GLG1: variants seen among roughly 807,000 people sequenced by gnomAD.
GLG1 encodes the protein golgi glycoprotein 1.
A neutral mutation model predicts 160.5 loss-of-function variants in GLG1; 38 were observed. That is an observed-to-expected ratio of 0.24 (90% CI 0.18 to 0.31). The LOEUF is 0.31. Ranked by LOEUF, GLG1 falls within the 10% of genes least tolerant of loss-of-function variation. The pLI is 1.00. For synonymous variants in GLG1, 644 were observed against 543.4 expected (o/e 1.19, Z -2.57); for missense variants, 1,373 against 1,505.2 (o/e 0.91, Z 1.45).
chr16:74,520,039 T>C (rs1228640581), intron 2 of GLG1, among the ~76,000 whole-genome samples: 1 of 152,226 alleles, frequency 6.6e-6, no homozygotes, highest in East Asian at 1.9e-4. Context: ...AAGTCACTTA[T>C]TTCATAGGCC....
intron 1 of GLG1, among the ~76,000 whole-genome samples, chr16:74,563,588 G>A (rs1425462858): frequency 6.6e-6 from 1 of 151,976 alleles, no homozygotes; most frequent in Non-Finnish European, 1.5e-5. Context: ...TTAGCGGGGC[G>A]TGGTGGCGTG....
intron 19 of GLG1, among the ~76,000 whole-genome samples, chr16:74,464,157 T>C (rs868028315): frequency 6.6e-6 from 1 of 152,188 alleles, no homozygotes; most frequent in Non-Finnish European, 1.5e-5. Context: ...CACTGGTTCT[T>C]ACACAGGATT....
intron 13 of GLG1, among the ~76,000 whole-genome samples, chr16:74,473,210 C>T (rs1375880606): frequency 6.6e-6 from 1 of 151,376 alleles, no homozygotes; most frequent in Non-Finnish European, 1.5e-5. Context: ...TTCTAATCCC[C>T]CTTTTTTTTT....
At chr16:74,486,036 T>C (rs2015775464) in intron 8 of GLG1, 119 bp from the exon 9 acceptor site, 4 of 716,492 alleles carry the variant, frequency 5.6e-6, no homozygotes, top group Admixed American at 2.8e-5. Context: ...AATAAAGTTG[T>C]CTACAGTTGT....
chr16:74,533,327 C>T (rs2017598049), intron 1 of GLG1, among the ~76,000 whole-genome samples: 1 of 151,544 alleles, frequency 6.6e-6, no homozygotes, highest in Non-Finnish European at 1.5e-5. Flanking sequence ...TCTCAAAAAA[C>T]AAAAAACAAA....
At chr16:74,457,802 G>A in intron 24 of GLG1, 72 bp downstream of exon 24, 2 of 1,416,228 alleles carry the variant, frequency 1.4e-6, no homozygotes, top group Admixed American at 3.6e-5. Context: ...AGCTGCAACT[G>A]ATGTCTAAGA....
intron 1 of GLG1, among the ~76,000 whole-genome samples, chr16:74,578,741 C>G (rs1957868795): frequency 6.6e-6 from 1 of 152,158 alleles, no homozygotes; most frequent in East Asian, 1.9e-4. Context: ...ACAAAAAAAG[C>G]TATCTGATGT....
intron 1 of GLG1, among the ~76,000 whole-genome samples, chr16:74,588,611 G>A (rs1958102295): frequency 6.6e-6 from 1 of 151,910 alleles, no homozygotes; most frequent in South Asian, 2.1e-4. Context: ...TAGAGATGAG[G>A]TTTCGCCATG....
intron 1 of GLG1, among the ~76,000 whole-genome samples, chr16:74,600,606 T>A (rs1958419307): frequency 7.0e-6 from 1 of 141,950 alleles, no homozygotes; most frequent in African/African-American, 2.6e-5. Context: ...GTAGCGCATG[T>A]CTGCAGTCCC....
chr16:74,546,845 A>AAAAAAAAAAAG (rs2018062179), intron 1 of GLG1, among the ~76,000 whole-genome samples: 1 of 113,232 alleles, frequency 8.8e-6, no homozygotes, highest in Non-Finnish European at 2.1e-5. Context: ...CTCAAAAAAA[A>AAAAAAAAAAAG]AAAAAAAAAA....
chr16:74,495,130 G>A (rs2016139368), intron 5 of GLG1, among the ~76,000 whole-genome samples: 1 of 114,948 alleles, frequency 8.7e-6, no homozygotes, highest in African/African-American at 3.3e-5. Context: ...TTTTTTTTGA[G>A]ATAGAGTCAG....
intron 8 of GLG1, 49 bp downstream of exon 8, chr16:74,490,952 T>A (rs1404011354): frequency 1.5e-6 from 2 of 1,327,528 alleles, no homozygotes; most frequent in Admixed American, 3.4e-5. Context: ...AAGAGGCTCT[T>A]CAGCTGATAA....
chr16:74,480,161 T>G (rs763845427), intron 11 of GLG1, 80 bp downstream of exon 11: 53 of 1,196,046 alleles, frequency 4.4e-5, no homozygotes, highest in Admixed American at 1.3e-4. Flanking sequence ...CTAATATGAC[T>G]GAAATCAGAA....
Position 74,494,172 on chromosome 16 carries a change from C to CAA in GLG1, c.1050+586_1050+587dup, listed in dbSNP as rs56194630. Among the ~76,000 whole-genome samples, 463 of 147,630 alleles carry CAA rather than the reference C, an allele frequency of 3.1e-3. 6 individuals carry two copies. The highest frequency in any genetic ancestry group is 6.8e-3 in the East Asian group (34 of 4,980). On this transcript the variant is annotated intron_variant, in intron 6 of 25. Coordinates refer to ENST00000422840, the MANE Select transcript of GLG1 (RefSeq NM_001145667.2). The stretch of plus-strand genomic sequence containing the variant: ...CTGGGTGACAGAGAAAGACTCCACT[C>CAA]AAAAAAAAACAAAAACAAAACAAAA...
rs774350675 is a variant in GLG1, at chr16:74,491,024, G to C, written c.1426C>G (p.Leu476Val). 1 of 1,613,680 alleles carries C rather than the reference G, an allele frequency of 6.2e-7. No individual in the cohort carries two copies. Among genetic ancestry groups the C allele is most frequent in the Non-Finnish European group, 8.5e-7 (1 of 1,179,696 alleles). ...ACCGCCTGCTGGCAGTTCATTCCAAGGTTCCCCTTCTCCCCTCGAACTACT... is the reference window on the plus strand; with the variant it reads ...ACCGCCTGCTGGCAGTTCATTCCAACGTTCCCCTTCTCCCCTCGAACTACT... The part of the protein sequence containing the change: ...MKVVRGEKGN[L>V]GMNCQQALQT... Residue 476 changes from leucine to valine, a missense_variant, in exon 8 of 26, where the codon CTT becomes GTT. Around this residue, in one of 4 missense-constraint regions of GLG1, gnomAD observed 386 missense variants for 388.5 expected, o/e 0.99. Transcript: ENST00000422840.
intron 1 of GLG1, among the ~76,000 whole-genome samples, chr16:74,592,387 A>G (rs1597379756): frequency 6.6e-6 from 1 of 151,112 alleles, no homozygotes; most frequent in African/African-American, 2.4e-5. Flanking sequence ...CAGGTGATCC[A>G]CCCGCCTTGG....
At chr16:74,472,292 A>C in intron 14 of GLG1, 57 bp downstream of exon 14, 2 of 1,112,832 alleles carry the variant, frequency 1.8e-6, no homozygotes, top group Non-Finnish European at 2.8e-6. Flanking sequence ...TACTCAGGGG[A>C]GAGTCCCTGT....
chr16:74,597,409 T>G (rs1166306810), intron 1 of GLG1, among the ~76,000 whole-genome samples: 2 of 136,728 alleles, frequency 1.5e-5, no homozygotes, highest in Non-Finnish European at 3.1e-5. Context: ...CCAGCCTGGA[T>G]GACAGAGTGA....
chr16:74,533,560 C>A (rs11859793), intron 1 of GLG1, among the ~76,000 whole-genome samples: 1,835 of 152,118 alleles, frequency 0.012, 34 homozygotes, highest in African/African-American at 0.042. Context: ...GCAGGCAGAT[C>A]ACTTGAGGTC....
Sources: gnomAD v4.1 joint callset for allele counts (sites outside exome capture counted in the v4.1 genomes callset) on GRCh38, gnomAD v4.1.1 for gene constraint, gnomAD v4.1.1 regional missense constraint, MANE v1.5 for transcripts, NCBI Gene and HGNC (gene_info 2026-07-23, HGNC 2026-07-21) for gene names.